The following STK31 variants were observed in gnomAD, a reference collection of about 807,000 sequenced individuals.
STK31 encodes the protein serine/threonine-protein kinase 31.
STK31 carries 89 observed loss-of-function variants against 129.7 expected under a neutral mutation model. The ratio of observed to expected loss-of-function variants is 0.69; its 90% CI spans 0.58 to 0.82. The LOEUF (loss-of-function observed/expected upper bound fraction) is 0.82. Among genes scored for constraint, STK31 ranks in the 40% least tolerant of loss-of-function variants. STK31 has a pLI of 0.00. For missense variants in STK31, 1,187 were observed against 1,176.4 expected, an observed-to-expected ratio of 1.01 and a Z score of -0.13; for synonymous variants, 448 against 395.3, an observed-to-expected ratio of 1.13 and a Z score of -1.58.
Position 23,735,689 on chromosome 7 carries a change from G to T in STK31, c.635G>T (p.Cys212Phe). The T allele has an allele frequency of 1.2e-6, 2 of 1,614,076 alleles. No homozygotes were observed. Among genetic ancestry groups the T allele is most frequent in the Non-Finnish European group, 1.7e-6 (2 of 1,180,022 alleles). ...CTTAAGAAAGGATTTGCAGAGAAAT[G>T]CAGACTTGCTTCCAGAACTGACATC... ...EVLKKGFAEK[C>F]RLASRTDICE... is the part of the protein sequence containing the mutation. Residue 212 changes from cysteine to phenylalanine, a missense_variant, in exon 7 of 24, where the codon TGC becomes TTC. Physicochemically the swap from Cys to Phe is radical, Grantham distance 205. Around this residue, in one of 5 missense-constraint regions of STK31, gnomAD observed 975 missense variants for 934.9 expected, o/e 1.04. Transcript: ENST00000355870.
At chr7:23,800,761 A>G (rs185517101) in intron 22 of STK31, among the ~76,000 whole-genome samples, 3 of 152,284 alleles carry the variant, frequency 2.0e-5, no homozygotes, top group African/African-American at 7.2e-5. Context: ...AAAAGAAAAA[A>G]TAGAAAAAAA....
At chr7:23,791,901 A>G (rs1314109281) in intron 22 of STK31, among the ~76,000 whole-genome samples, 2 of 152,224 alleles carry the variant, frequency 1.3e-5, no homozygotes, top group African/African-American at 4.8e-5. Flanking sequence ...GCATGAAAGC[A>G]GCCATAGACA....
chr7:23,796,279 A>G (rs549361075), intron 22 of STK31, among the ~76,000 whole-genome samples: 72 of 152,352 alleles, frequency 4.7e-4, no homozygotes, highest in South Asian at 3.3e-3. Flanking sequence ...CCCTCATGGA[A>G]ATAAACTAGC....
intron 16 of STK31, among the ~76,000 whole-genome samples, chr7:23,783,142 T>G (rs1310653834): frequency 6.6e-6 from 1 of 152,174 alleles, no homozygotes; most frequent in African/African-American, 2.4e-5. Flanking sequence ...TTTCAGAAAT[T>G]GGCAGCGAGG....
At chr7:23,727,352 G>GA (rs1562552133) in intron 5 of STK31, 37 bp downstream of exon 5, 1 of 1,592,320 alleles carries the variant, frequency 6.3e-7, no homozygotes, top group Admixed American at 1.7e-5. Flanking sequence ...TTTGCTTTAA[G>GA]AAATATTTAT....
chr7:23,824,908 T>A (rs963301058), intron 23 of STK31, among the ~76,000 whole-genome samples: 1 of 152,012 alleles, frequency 6.6e-6, no homozygotes, highest in South Asian at 2.1e-4. Flanking sequence ...GTTTATTGAT[T>A]TTCATATGTT....
At chr7:23,753,091 A>T (rs1788818438) in intron 9 of STK31, among the ~76,000 whole-genome samples, 1 of 152,206 alleles carries the variant, frequency 6.6e-6, no homozygotes, top group Non-Finnish European at 1.5e-5. Context: ...ATAGCTTTTA[A>T]GTGATAGTTT....
intron 8 of STK31, among the ~76,000 whole-genome samples, chr7:23,747,544 A>G (rs1415983138): frequency 1.3e-5 from 2 of 151,238 alleles, no homozygotes; most frequent in East Asian, 2.0e-4. Flanking sequence ...TAATTTTTGT[A>G]TTTTTAGTAG....
In STK31 at chr7:23,735,634, T is replaced by G. The variant is rs779795823; in HGVS notation, c.580T>G (p.Tyr194Asp). 2 of 1,614,030 alleles carry G rather than the reference T, an allele frequency of 1.2e-6. No homozygotes were observed. Among genetic ancestry groups the G allele is most frequent in the East Asian group, 4.5e-5 (2 of 44,874 alleles). ...TGGAACAGTTATTGCTCAGGCTGAG[T>G]ATGGCAGTGTGGATATAGGGGAAGA... Reference protein sequence around the residue: ...EDGTVIAQAEYGSVDIGEEVL... With the variant: ...EDGTVIAQAEDGSVDIGEEVL... Residue 194 changes from tyrosine (Y) to aspartate (D), a missense_variant, in exon 7 of 24, where the codon TAT becomes GAT. By Grantham distance (160) the Tyr-to-Asp change is radical. This residue lies in a region of STK31 where 103 missense variants were observed against 110.4 expected (regional missense o/e 0.93). Coordinates refer to ENST00000355870, the MANE Select transcript of STK31 (RefSeq NM_031414.5).
At chr7:23,826,800 ATC>A (rs1233352056) in intron 23 of STK31, among the ~76,000 whole-genome samples, 1 of 152,072 alleles carries the variant, frequency 6.6e-6, no homozygotes, top group African/African-American at 2.4e-5. Context: ...TGGTGACAAA[ATC>A]TCTCAGCATT....
chr7:23,763,075 A>C, intron 11 of STK31, 152 bp downstream of exon 11: 1 of 686,356 alleles, frequency 1.5e-6, no homozygotes, highest in Non-Finnish European at 2.2e-6. Context: ...ATGGGATTAA[A>C]AGTTTATATT....
chr7:23,791,276 C>T (rs1275196441), intron 22 of STK31: 2 of 985,074 alleles, frequency 2.0e-6, no homozygotes, highest in African/African-American at 3.5e-5. Context: ...ATTCCTGCTT[C>T]CAGTGTAGAC....
At chr7:23,815,087 C>G in intron 22 of STK31, 57 bp from the exon 23 acceptor site, 2 of 1,293,934 alleles carry the variant, frequency 1.5e-6, no homozygotes, top group Non-Finnish European at 2.1e-6. Context: ...GTTGACTCTT[C>G]TATAGATTGG....
At chr7:23,735,275 T>A (rs561711374) in intron 6 of STK31, among the ~76,000 whole-genome samples, 1 of 152,230 alleles carries the variant, frequency 6.6e-6, no homozygotes, top group African/African-American at 2.4e-5. Context: ...AAAAAACTAT[T>A]CTAGGATATT....
intron 23 of STK31, among the ~76,000 whole-genome samples, chr7:23,831,396 G>C (rs1005429253): frequency 6.6e-6 from 1 of 151,996 alleles, no homozygotes; most frequent in African/African-American, 2.4e-5. Flanking sequence ...TTGACTTAAA[G>C]TCTGTCTTAC....
intron 2 of STK31, 38 bp from the exon 3 acceptor site, chr7:23,712,196 T>C (rs1786013005): frequency 6.2e-7 from 1 of 1,613,954 alleles, no homozygotes; most frequent in Non-Finnish European, 8.5e-7. Flanking sequence ...TGATACTGAT[T>C]AATTTCTAAT....
intron 22 of STK31, 64 bp from the exon 23 acceptor site, chr7:23,815,080 G>C (rs2128127340): frequency 8.5e-7 from 1 of 1,183,382 alleles, no homozygotes; most frequent in East Asian, 2.6e-5. Flanking sequence ...TTCCAGAGTT[G>C]ACTCTTCTAT....
At chr7:23,803,080 TA>T (rs1163359283) in intron 22 of STK31, among the ~76,000 whole-genome samples, 1 of 152,220 alleles carries the variant, frequency 6.6e-6, no homozygotes, top group Non-Finnish European at 1.5e-5. Context: ...TTGTGTTTTT[TA>T]AAAATTTTTG....
At chr7:23,760,867 T>C (rs1361472671) in intron 10 of STK31, among the ~76,000 whole-genome samples, 1 of 152,144 alleles carries the variant, frequency 6.6e-6, no homozygotes, top group Admixed American at 6.6e-5. Flanking sequence ...GGTTTTACCA[T>C]GTTGTCCAGA....
Sources: allele counts gnomAD v4.1 joint callset (sites outside exome capture counted in the v4.1 genomes callset), GRCh38; gene constraint gnomAD v4.1.1; regional missense constraint gnomAD v4.1.1; transcripts MANE v1.5; gene names NCBI Gene and HGNC (gene_info 2026-07-23, HGNC 2026-07-21).